The following ARHGAP10 variants were observed in gnomAD, a reference collection of about 807,000 sequenced individuals.
The protein encoded by ARHGAP10 is rho GTPase-activating protein 10.
In ARHGAP10, 87 loss-of-function variants were observed where a neutral mutation model predicts 108.6. The ratio of observed to expected loss-of-function variants is 0.80; its 90% CI spans 0.67 to 0.96. The LOEUF (loss-of-function observed/expected upper bound fraction) is 0.96, where lower values mean the gene tolerates loss of function less well. ARHGAP10 is among the 40% of genes least tolerant of loss of function. The pLI is 0.00. For synonymous variants in ARHGAP10, 347 were observed against 341.1 expected (o/e 1.02, Z -0.19); for missense variants, 939 against 954.5 (o/e 0.98, Z 0.21).
At chr4:147,974,909 GACTT>G (rs1015281612) in intron 18 of ARHGAP10, among the ~76,000 whole-genome samples, 154 of 152,206 alleles carry the variant, frequency 1.0e-3, no homozygotes, top group African/African-American at 3.5e-3. Flanking sequence ...GATCTCATGA[GACTT>G]ACTATCATGA....
At chr4:147,781,517 C>G (rs956993548) in intron 1 of ARHGAP10, among the ~76,000 whole-genome samples, 21 of 152,234 alleles carry the variant, frequency 1.4e-4, no homozygotes, top group African/African-American at 4.3e-4. Flanking sequence ...CAACTATGTT[C>G]ATACTATGAC....
intron 1 of ARHGAP10, among the ~76,000 whole-genome samples, chr4:147,760,779 G>T (rs1017601794): frequency 6.6e-6 from 1 of 152,100 alleles, no homozygotes; most frequent in Non-Finnish European, 1.5e-5. Context: ...CAGTTGAAGG[G>T]GGGCTATGTT....
intron 13 of ARHGAP10, among the ~76,000 whole-genome samples, chr4:147,925,793 C>A (rs1334973054): frequency 6.6e-6 from 1 of 152,194 alleles, no homozygotes; most frequent in Non-Finnish European, 1.5e-5. Context: ...CTGTCAGTAG[C>A]TAGAGCAGTG....
intron 1 of ARHGAP10, among the ~76,000 whole-genome samples, chr4:147,790,401 C>T (rs1731070850): frequency 6.6e-6 from 1 of 152,126 alleles, no homozygotes; most frequent in Non-Finnish European, 1.5e-5. Context: ...CCTAGTAATA[C>T]CTTTAAAAAA....
chr4:147,771,276 T>G (rs1339751034), intron 1 of ARHGAP10, among the ~76,000 whole-genome samples: 1 of 152,202 alleles, frequency 6.6e-6, no homozygotes, highest in Non-Finnish European at 1.5e-5. Flanking sequence ...TCCAGCCGCC[T>G]GTAACAGCAG....
intron 18 of ARHGAP10, among the ~76,000 whole-genome samples, chr4:148,011,647 C>G (rs943281525): frequency 2.0e-5 from 3 of 152,208 alleles, no homozygotes; most frequent in African/African-American, 4.8e-5. Context: ...TTTGGGAAAT[C>G]TGGGGCAGGG....
At chr4:147,905,529 G>T (rs537040763) in intron 10 of ARHGAP10, among the ~76,000 whole-genome samples, 3,594 of 118,440 alleles carry the variant, frequency 0.03, 195 homozygotes, top group African/African-American at 0.095. Flanking sequence ...GTTTGTCAAA[G>T]ATCAGATAGT....
At chr4:147,870,562 CT>C (rs34085253) in intron 7 of ARHGAP10, among the ~76,000 whole-genome samples, 116,974 of 139,676 alleles carry the variant, frequency 0.84, 49,457 homozygotes, top group Non-Finnish European at 0.91. Flanking sequence ...AGTGGCTAGA[CT>C]TTTTTTTTTT....
intron 1 of ARHGAP10, among the ~76,000 whole-genome samples, chr4:147,808,192 G>A (rs1731863515): frequency 6.6e-6 from 1 of 152,166 alleles, no homozygotes; most frequent in African/African-American, 2.4e-5. Flanking sequence ...GGCTGTCGGA[G>A]GTGAGCCCAC....
chr4:147,736,957 G>A (rs7675343), intron 1 of ARHGAP10, among the ~76,000 whole-genome samples: 44,226 of 151,904 alleles, frequency 0.29, 7,475 homozygotes, highest in East Asian at 0.48. Context: ...CATGATGCCT[G>A]GGACTGCTAC....
intron 3 of ARHGAP10, among the ~76,000 whole-genome samples, chr4:147,832,309 A>G (rs1732982337): frequency 6.6e-6 from 1 of 151,930 alleles, no homozygotes; most frequent in South Asian, 2.1e-4. Flanking sequence ...AAAGAACTGA[A>G]GAGAACTTAG....
chr4:148,037,039 C>G (rs186635955), intron 19 of ARHGAP10, among the ~76,000 whole-genome samples: 2 of 152,256 alleles, frequency 1.3e-5, no homozygotes, highest in African/African-American at 2.4e-5. Flanking sequence ...TTTCTGTGTT[C>G]TTTGGTCATG....
intron 1 of ARHGAP10, among the ~76,000 whole-genome samples, chr4:147,797,646 C>G (rs1011106731): frequency 3.9e-5 from 6 of 152,074 alleles, no homozygotes; most frequent in Admixed American, 1.3e-4. Flanking sequence ...CTCTTGACCT[C>G]GTGATCTGCC....
chr4:147,803,680 G>A (rs1182363632), intron 1 of ARHGAP10, among the ~76,000 whole-genome samples: 1 of 152,144 alleles, frequency 6.6e-6, no homozygotes, highest in East Asian at 1.9e-4. Context: ...GAGAACATGT[G>A]ATACTTGTCT....
intron 1 of ARHGAP10, among the ~76,000 whole-genome samples, chr4:147,767,032 G>A (rs1375520692): frequency 6.6e-6 from 1 of 151,450 alleles, no homozygotes; most frequent in Non-Finnish European, 1.5e-5. Flanking sequence ...TGTATTTCTA[G>A]TAGAGATGGG....
Position 147,971,093 on chromosome 4 carries a change from C to CAA in ARHGAP10, c.1716+4275_1716+4276dup, listed in dbSNP as rs59721708. Among the ~76,000 whole-genome samples the CAA allele has an allele frequency of 7.1e-3, 520 of 73,158 alleles. 13 individuals carry two copies. Among genetic ancestry groups the CAA allele is most frequent in the Admixed American group, 0.04 (268 of 6,744 alleles). 48.0% of individuals were successfully genotyped at this position (73,158 alleles called of 152,430 possible). ...GGGTGACAAGAGCGAGACTCTGTCT[C>CAA]AAAAAAAAAAAAAAAAAAAAAAGAG... is the stretch of plus-strand genomic sequence containing the variant. On this transcript the variant is annotated intron_variant, in intron 18 of 22. Coordinates refer to ENST00000336498, the MANE Select transcript of ARHGAP10 (RefSeq NM_024605.4).
intron 3 of ARHGAP10, among the ~76,000 whole-genome samples, chr4:147,845,900 G>A (rs943023856): frequency 6.6e-6 from 1 of 152,188 alleles, no homozygotes; most frequent in Non-Finnish European, 1.5e-5. Context: ...TTCCTGGCTG[G>A]TGGTGCTTTG....
intron 10 of ARHGAP10, among the ~76,000 whole-genome samples, chr4:147,896,535 T>C (rs561133789): frequency 4.6e-4 from 70 of 152,192 alleles, no homozygotes; most frequent in Non-Finnish European, 7.5e-4. Context: ...TAACTTATGC[T>C]TGGTAGGGAT....
chr4:147,817,160 C>T (rs898380796), intron 1 of ARHGAP10, among the ~76,000 whole-genome samples: 1 of 152,022 alleles, frequency 6.6e-6, no homozygotes, highest in East Asian at 1.9e-4. Context: ...TTTTTCTTTT[C>T]AAGCCCAGGA....
Sources: gnomAD v4.1 joint callset for allele counts (sites outside exome capture counted in the v4.1 genomes callset) on GRCh38, gnomAD v4.1.1 for gene constraint, MANE v1.5 for transcripts, NCBI Gene and HGNC (gene_info 2026-07-23, HGNC 2026-07-21) for gene names.